The following AKR1C8 variants were observed in gnomAD, a reference collection of about 807,000 sequenced individuals.
AKR1C8 encodes the protein aldo-keto reductase family 1 member C8, also known as aldo-keto reductase family 1 member C-like protein 1.
At chr10:5,130,229 G>C in the AKR1C8 span, among the ~76,000 whole-genome samples, 59,508 of 151,632 alleles carry the variant, frequency 0.39, 12,471 homozygotes, top group Non-Finnish European at 0.43. Context: ...ATTGCTTTAT[G>C]ATTAAAACCC....
At chr10:5,175,995 G>C in the AKR1C8 span, among the ~76,000 whole-genome samples, 1 of 152,004 alleles carries the variant, frequency 6.6e-6, no homozygotes, top group Non-Finnish European at 1.5e-5. Flanking sequence ...GATCCCATTT[G>C]TCAATTTTGT....
chr10:5,159,100 G>A, the AKR1C8 span, among the ~76,000 whole-genome samples: 2 of 152,110 alleles, frequency 1.3e-5, no homozygotes, highest in Non-Finnish European at 2.9e-5. Flanking sequence ...TGACAATGAC[G>A]CATGCTGCCA....
At chr10:5,175,480 G>A in the AKR1C8 span, among the ~76,000 whole-genome samples, 1 of 151,986 alleles carries the variant, frequency 6.6e-6, no homozygotes, top group Non-Finnish European at 1.5e-5. Context: ...TAGTCCTTTG[G>A]GTATATACCC....
chr10:5,161,059 ATATG>A, the AKR1C8 span, among the ~76,000 whole-genome samples: 4 of 152,092 alleles, frequency 2.6e-5, no homozygotes, highest in African/African-American at 9.7e-5. Flanking sequence ...GTGTGTATAT[ATATG>A]TGTGTGGGTA....
chr10:5,139,313 AT>A, the AKR1C8 span, among the ~76,000 whole-genome samples: 1 of 152,224 alleles, frequency 6.6e-6, no homozygotes, highest in Non-Finnish European at 1.5e-5. Flanking sequence ...TAAAGTTCAT[AT>A]GGAACCAAAA....
the AKR1C8 span, among the ~76,000 whole-genome samples, chr10:5,138,736 C>T: frequency 0.33 from 50,714 of 151,406 alleles, 9,041 homozygotes; most frequent in Non-Finnish European, 0.37. Flanking sequence ...CTCCATTCGG[C>T]GTCCCTGACT....
the AKR1C8 span, among the ~76,000 whole-genome samples, chr10:5,150,494 A>C: frequency 6.6e-6 from 1 of 152,138 alleles, no homozygotes; most frequent in Non-Finnish European, 1.5e-5. Flanking sequence ...ACTCAAAGAA[A>C]GTTAAACACT....
At chr10:5,138,920 A>C in the AKR1C8 span, among the ~76,000 whole-genome samples, 1 of 152,200 alleles carries the variant, frequency 6.6e-6, no homozygotes, top group Admixed American at 6.5e-5. Context: ...CCAACATCTC[A>C]GCCCAAAATC....
chr10:5,166,950 A>AAAC, the AKR1C8 span, among the ~76,000 whole-genome samples: 2 of 150,610 alleles, frequency 1.3e-5, no homozygotes, highest in African/African-American at 2.4e-5. Context: ...AAGAAAAAAA[A>AAAC]AACCCATCAA....
chr10:5,123,328 C>A, the AKR1C8 span: 1 of 274,646 alleles, frequency 3.6e-6, no homozygotes, highest in Non-Finnish European at 7.6e-6. Flanking sequence ...GGACCACAGC[C>A]CCACGCTGCA....
At chr10:5,129,379 G>A in the AKR1C8 span, among the ~76,000 whole-genome samples, 1 of 151,738 alleles carries the variant, frequency 6.6e-6, no homozygotes, top group African/African-American at 2.4e-5. Flanking sequence ...AGAGAAATAG[G>A]AACTAACTAA....
chr10:5,122,776 AT>A, the AKR1C8 span, among the ~76,000 whole-genome samples: 1 of 152,178 alleles, frequency 6.6e-6, no homozygotes, highest in Non-Finnish European at 1.5e-5. Flanking sequence ...TGATCAGGAA[AT>A]GCTTTTTCTG....
At chr10:5,160,908 G>A in the AKR1C8 span, 1 of 470,936 alleles carries the variant, frequency 2.1e-6, no homozygotes, top group Admixed American at 2.3e-5. Context: ...TAGAAAAGAA[G>A]ATAAAGAAGG....
At chr10:5,145,769 C>A in the AKR1C8 span, among the ~76,000 whole-genome samples, 213 of 152,266 alleles carry the variant, frequency 1.4e-3, 1 homozygote, top group African/African-American at 4.9e-3. Context: ...ACTAGTTCAA[C>A]CATTGTGGAA....
At chr10:5,165,391 G>T in the AKR1C8 span, among the ~76,000 whole-genome samples, 1 of 152,084 alleles carries the variant, frequency 6.6e-6, no homozygotes, top group Non-Finnish European at 1.5e-5. Flanking sequence ...ACCTCCTAGG[G>T]GGATAGGATT....
chr10:5,179,363 A>G, the AKR1C8 span, among the ~76,000 whole-genome samples: 1 of 152,138 alleles, frequency 6.6e-6, no homozygotes, highest in South Asian at 2.1e-4. Context: ...TAGTCTGATG[A>G]GCTTCCCTTT....
the AKR1C8 span, among the ~76,000 whole-genome samples, chr10:5,136,015 G>A: frequency 6.6e-6 from 1 of 152,136 alleles, no homozygotes; most frequent in Non-Finnish European, 1.5e-5. Flanking sequence ...AATTAACAAT[G>A]TCTGGTCTTT....
At chr10:5,119,938 G>T in the AKR1C8 span, among the ~76,000 whole-genome samples, 2 of 152,102 alleles carry the variant, frequency 1.3e-5, no homozygotes, top group African/African-American at 4.8e-5. Context: ...GCAAAAAGTT[G>T]TTGGGAACAG....
At chr10:5,161,423 G>C in the AKR1C8 span, among the ~76,000 whole-genome samples, 11 of 152,172 alleles carry the variant, frequency 7.2e-5, no homozygotes, top group African/African-American at 1.7e-4. Context: ...ACCATCCCAG[G>C]TATCTCTCTT....
Sources: gnomAD v4.1 joint callset for allele counts (sites outside exome capture counted in the v4.1 genomes callset) on GRCh38, gnomAD v4.1.1 for gene constraint, MANE v1.5 for transcripts, NCBI Gene and HGNC (gene_info 2026-07-23, HGNC 2026-07-21) for gene names.